GABRB1: variants seen among roughly 807,000 people sequenced by gnomAD.
GABRB1 encodes gamma-aminobutyric acid receptor subunit beta-1.
GABRB1 carries 17 observed loss-of-function variants against 51.6 expected under a neutral mutation model. The ratio of observed to expected loss-of-function variants is 0.33; its 90% CI spans 0.23 to 0.49. GABRB1 has a LOEUF of 0.49. Among genes scored for constraint, GABRB1 ranks in the 20% least tolerant of loss-of-function variants. The probability of loss-of-function intolerance (pLI) is 0.99; values close to 1 mark genes in which losing one functional copy is unlikely to be tolerated. For missense variants in GABRB1, 410 were observed against 600.6 expected (o/e 0.68, Z 3.32); for synonymous variants, 247 against 218.9 (o/e 1.13, Z -1.14).
chr4:47,260,729 G>A (rs1001995415), intron 4 of GABRB1, among the ~76,000 whole-genome samples: 6 of 152,022 alleles, frequency 3.9e-5, no homozygotes, highest in South Asian at 2.1e-4. Flanking sequence ...TACCAAAGCC[G>A]GGCAGAGACA....
At chr4:47,329,467 G>T (rs1725386019) in intron 5 of GABRB1, among the ~76,000 whole-genome samples, 1 of 148,412 alleles carries the variant, frequency 6.7e-6, no homozygotes, top group Admixed American at 6.8e-5. Flanking sequence ...CATATATATG[G>T]AATATATAGC....
intron 3 of GABRB1, among the ~76,000 whole-genome samples, chr4:47,153,413 G>T (rs1170602796): frequency 6.6e-6 from 1 of 152,056 alleles, no homozygotes; most frequent in Non-Finnish European, 1.5e-5. Context: ...CATTTAGGCT[G>T]TCACTGTGTG....
At chr4:47,246,325 CACACATATGTACAT>C (rs1721743056) in intron 4 of GABRB1, among the ~76,000 whole-genome samples, 1 of 76,864 alleles carries the variant, frequency 1.3e-5, no homozygotes, top group Non-Finnish European at 2.6e-5. Context: ...CACACACACA[CACACATATGTACAT>C]ATATATATAT....
intron 4 of GABRB1, among the ~76,000 whole-genome samples, chr4:47,165,279 C>T (rs1349345792): frequency 6.6e-6 from 1 of 152,042 alleles, no homozygotes; most frequent in Non-Finnish European, 1.5e-5. Flanking sequence ...TTGGTACACA[C>T]TCTTTACAGA....
At chr4:47,263,182 T>A (rs1193390165) in intron 4 of GABRB1, among the ~76,000 whole-genome samples, 1 of 146,698 alleles carries the variant, frequency 6.8e-6, no homozygotes, top group Non-Finnish European at 1.5e-5. Flanking sequence ...ACCCTAAAAC[T>A]TAAAGTATAA....
At chr4:47,254,907 G>C (rs1451231694) in intron 4 of GABRB1, among the ~76,000 whole-genome samples, 2 of 152,054 alleles carry the variant, frequency 1.3e-5, no homozygotes, top group Non-Finnish European at 2.9e-5. Context: ...TGAACTAGTT[G>C]GTCATGACAC....
chr4:47,385,844 C>A (rs948081785), intron 5 of GABRB1, among the ~76,000 whole-genome samples: 1 of 152,116 alleles, frequency 6.6e-6, no homozygotes, highest in Non-Finnish European at 1.5e-5. Context: ...GACAATTTGC[C>A]GGAATGTCTC....
chr4:47,048,842 A>G (rs1436712468), intron 3 of GABRB1, among the ~76,000 whole-genome samples: 6 of 152,070 alleles, frequency 3.9e-5, no homozygotes, highest in Non-Finnish European at 7.4e-5. Flanking sequence ...CTTTCCCTTT[A>G]GAGTTTCCTC....
chr4:47,173,713 G>C (rs990716937), intron 4 of GABRB1, among the ~76,000 whole-genome samples: 1 of 152,114 alleles, frequency 6.6e-6, no homozygotes, highest in African/African-American at 2.4e-5. Context: ...TCGTTTATTT[G>C]AGTTTTCTAC....
chr4:47,094,250 G>C (rs370540705), intron 3 of GABRB1, among the ~76,000 whole-genome samples: 3 of 126,958 alleles, frequency 2.4e-5, no homozygotes, highest in African/African-American at 9.3e-5. Flanking sequence ...TTTTTTGACA[G>C]AGTCTTGCTC....
chr4:46,998,904 A>T (rs1316037563), intron 1 of GABRB1, among the ~76,000 whole-genome samples: 3 of 152,066 alleles, frequency 2.0e-5, no homozygotes, highest in Admixed American at 6.6e-5. Context: ...ATAAGTTTAG[A>T]AGTGCTACTC....
At chr4:47,156,816 A>T (rs1204404942) in intron 3 of GABRB1, among the ~76,000 whole-genome samples, 1 of 151,900 alleles carries the variant, frequency 6.6e-6, no homozygotes, top group Non-Finnish European at 1.5e-5. Context: ...AAAAATACAA[A>T]AATTAGGCAG....
chr4:47,108,419 A>G (rs987369034), intron 3 of GABRB1, among the ~76,000 whole-genome samples: 2 of 152,076 alleles, frequency 1.3e-5, no homozygotes, highest in Non-Finnish European at 2.9e-5. Flanking sequence ...TGGTAAACCC[A>G]AATCTTTTAA....
chr4:47,425,492 A>AGAT (rs112027664), intron 8 of GABRB1, among the ~76,000 whole-genome samples, 182 bp from the exon 9 acceptor site: 1 of 147,732 alleles, frequency 6.8e-6, no homozygotes, highest in African/African-American at 2.5e-5. Flanking sequence ...ATAGATAGAT[A>AGAT]GATAGATAGA....
intron 3 of GABRB1, among the ~76,000 whole-genome samples, chr4:47,054,893 GACA>G (rs1726520727): frequency 6.6e-6 from 1 of 152,038 alleles, no homozygotes; most frequent in Non-Finnish European, 1.5e-5. Flanking sequence ...ACACTTTATG[GACA>G]ACATTTTTTA....
chr4:47,209,328 T>C (rs1720261051), intron 4 of GABRB1, among the ~76,000 whole-genome samples: 1 of 152,146 alleles, frequency 6.6e-6, no homozygotes, highest in Non-Finnish European at 1.5e-5. Context: ...TGTTCCTGGA[T>C]ACCTTAGAAT....
intron 4 of GABRB1, among the ~76,000 whole-genome samples, chr4:47,182,581 T>C (rs936154940): frequency 6.6e-6 from 1 of 152,000 alleles, no homozygotes; most frequent in African/African-American, 2.4e-5. Flanking sequence ...ATAATTATTC[T>C]GGTCCTTCTC....
At chr4:47,346,744 GT>G (rs1388369188) in intron 5 of GABRB1, among the ~76,000 whole-genome samples, 4 of 152,250 alleles carry the variant, frequency 2.6e-5, no homozygotes, top group Non-Finnish European at 4.4e-5. Flanking sequence ...AGGTATAAGT[GT>G]AAACTTGCTG....
intron 5 of GABRB1, among the ~76,000 whole-genome samples, chr4:47,399,944 T>A (rs966014076): frequency 6.6e-6 from 1 of 152,222 alleles, no homozygotes; most frequent in Non-Finnish European, 1.5e-5. Context: ...AGCTTGCCAA[T>A]CTGCAAAATA....
Sources: gnomAD v4.1 joint callset for allele counts (sites outside exome capture counted in the v4.1 genomes callset) on GRCh38, gnomAD v4.1.1 for gene constraint, MANE v1.5 for transcripts, NCBI Gene and HGNC (gene_info 2026-07-23, HGNC 2026-07-21) for gene names.